The following ECT2 variants were observed in gnomAD, a reference collection of about 807,000 sequenced individuals.
The protein encoded by ECT2 is epithelial cell transforming 2.
In ECT2, 61 loss-of-function variants were observed where a neutral mutation model predicts 116.9. That is an observed-to-expected ratio of 0.52 (90% confidence interval 0.42 to 0.65). ECT2 has a LOEUF of 0.65. Among genes scored for constraint, ECT2 ranks in the 30% least tolerant of loss-of-function variants. The pLI, the probability that ECT2 is intolerant of heterozygous loss-of-function variation, is 0.00. For missense variants in ECT2, 937 were observed against 1,078.7 expected (o/e 0.87, Z 1.84); for synonymous variants, 358 against 346.4 (o/e 1.03, Z -0.37).
intron 20 of ECT2, among the ~76,000 whole-genome samples, chr3:172,805,441 G>A (rs994263225): frequency 2.6e-5 from 4 of 151,732 alleles, no homozygotes; most frequent in African/African-American, 7.3e-5. Context: ...TGATCCTGTC[G>A]CTTCTCATCA....
intron 13 of ECT2, 82 bp downstream of exon 13, chr3:172,769,225 G>T: frequency 7.7e-7 from 1 of 1,298,734 alleles, no homozygotes; most frequent in East Asian, 2.5e-5. Context: ...TTTCTTACGA[G>T]AAAATTATAT....
At chr3:172,801,428 T>G (rs1319184512) in intron 18 of ECT2, among the ~76,000 whole-genome samples, 1 of 152,224 alleles carries the variant, frequency 6.6e-6, no homozygotes, top group East Asian at 1.9e-4. Context: ...CCACTCTGAT[T>G]GATATCACTG....
chr3:172,818,048 A>G (rs1325079011), intron 24 of ECT2, among the ~76,000 whole-genome samples: 1 of 152,176 alleles, frequency 6.6e-6, no homozygotes, highest in Non-Finnish European at 1.5e-5. Flanking sequence ...TACCTGGCAC[A>G]TTGTGAGTGC....
At position 172,811,983 on chromosome 3, in the gene ECT2, C is replaced by CTT. The variant is rs200790013; in HGVS notation, c.2401-3606_2401-3605dup. 6.0e-4 allele frequency among the ~76,000 whole-genome samples: 81 copies of CTT among 134,600 alleles called. 1 individual carries two copies. Among genetic ancestry groups the CTT allele is most frequent in the South Asian group, 9.6e-4 (4 of 4,184 alleles). 88.3% of individuals were successfully genotyped at this position (134,600 alleles called of 152,430 possible). On this transcript the variant is annotated intron_variant, in intron 22 of 24. Transcript: ENST00000392692. ...ATGTACATTCTTCAAAAATGTATTT[C>CTT]TTTTTTTTTTTTTTTTGGGAGACAA...
Position 172,818,738 on chromosome 3 carries a change from C to G in ECT2, c.2656-1410C>G, listed in dbSNP as rs1387574287. 3 of 1,287,678 alleles carry G rather than the reference C, an allele frequency of 2.3e-6. No individual in the cohort carries two copies. The African/African-American group carries it at 4.6e-5, about 20-fold the overall frequency. The allele number at this position is 1,287,678 out of a possible 1,614,324, so 79.8% of individuals were successfully genotyped here. Reference sequence around the variant, plus strand: ...TTTTCAAATTTCAAAAAAGTTCTTTCCAAGTCATCTTTGACATTTGTGAAG... The same window carrying G: ...TTTTCAAATTTCAAAAAAGTTCTTTGCAAGTCATCTTTGACATTTGTGAAG... On this transcript the variant is annotated intron_variant, in intron 24 of 24. Coordinates refer to ENST00000392692, the MANE Select transcript of ECT2 (RefSeq NM_001258315.2).
At chr3:172,823,000 TAAAATC>T (rs767837742), downstream of ECT2, among the ~76,000 whole-genome samples, 1 of 151,986 alleles carries the variant, frequency 6.6e-6, no homozygotes, top group Non-Finnish European at 1.5e-5. Context: ...ACATGGAACT[TAAAATC>T]AAGCATGCAC....
chr3:172,795,585 TGA>T (rs1725496137), intron 18 of ECT2, among the ~76,000 whole-genome samples: 1 of 152,314 alleles, frequency 6.6e-6, no homozygotes, highest in East Asian at 1.9e-4. Flanking sequence ...GGTAAATATC[TGA>T]TATTAACAGG....
chr3:172,800,267 C>T (rs1238489989), intron 18 of ECT2, among the ~76,000 whole-genome samples: 1 of 152,184 alleles, frequency 6.6e-6, no homozygotes, highest in East Asian at 1.9e-4. Context: ...AGCCCAGCTG[C>T]TTAAAATGGC....
At chr3:172,808,752 G>C (rs1394272969) in intron 22 of ECT2, among the ~76,000 whole-genome samples, 3 of 152,112 alleles carry the variant, frequency 2.0e-5, no homozygotes, top group Non-Finnish European at 4.4e-5. Flanking sequence ...GATTGCATTG[G>C]GTGTTTCTGT....
intron 15 of ECT2, among the ~76,000 whole-genome samples, chr3:172,783,194 A>G (rs1052884988): frequency 6.6e-5 from 10 of 152,194 alleles, no homozygotes; most frequent in African/African-American, 2.4e-4. Context: ...CTCTTTAAAT[A>G]GGATTTGTAA....
chr3:172,780,854 T>C (rs956870495), intron 14 of ECT2, among the ~76,000 whole-genome samples: 2 of 151,996 alleles, frequency 1.3e-5, no homozygotes, highest in African/African-American at 2.4e-5. Flanking sequence ...TTATTTTTGG[T>C]GAAATGGCTA....
chr3:172,793,002 A>G (rs1460387085), intron 18 of ECT2, among the ~76,000 whole-genome samples: 1 of 151,988 alleles, frequency 6.6e-6, no homozygotes, highest in Non-Finnish European at 1.5e-5. Flanking sequence ...TTACAGGTGG[A>G]GCTACTGCAC....
At position 172,764,276 on chromosome 3, in the gene ECT2, A is replaced by C; in HGVS notation, c.1069-2A>C. On this transcript the variant is annotated splice_acceptor_variant, in intron 11 of 24. Coordinates refer to ENST00000392692, the MANE Select transcript of ECT2 (RefSeq NM_001258315.2). LOFTEE classifies it high-confidence loss of function. ...ATTGAGCTTGTGTGCTTTTGATTAC[A>C]GGCAAATACTCCTGAGCTCAAGAAA... 6.2e-7 allele frequency: 1 copy of C among 1,613,302 alleles called. No individual in the cohort carries two copies. The highest frequency in any genetic ancestry group is 8.5e-7 in the Non-Finnish European group (1 of 1,179,304).
chr3:172,774,498 C>CT (rs112860910), intron 14 of ECT2, among the ~76,000 whole-genome samples: 112 of 150,796 alleles, frequency 7.4e-4, no homozygotes, highest in African/African-American at 2.4e-3. Flanking sequence ...CATGCCCTGC[C>CT]TTTTTTTTTC....
At chr3:172,781,153 T>C (rs1722627223) in intron 14 of ECT2, among the ~76,000 whole-genome samples, 1 of 152,200 alleles carries the variant, frequency 6.6e-6, no homozygotes, top group Non-Finnish European at 1.5e-5. Flanking sequence ...CTTAAAATAA[T>C]AGCTCATTAC....
intron 17 of ECT2, 29 bp from the exon 18 acceptor site, chr3:172,786,464 T>C: frequency 2.7e-6 from 4 of 1,462,924 alleles, no homozygotes; most frequent in Non-Finnish European, 3.8e-6. Context: ...GAATTTTTTA[T>C]GCATGGAAAA....
chr3:172,814,173 T>G (rs1729279174), intron 22 of ECT2, among the ~76,000 whole-genome samples: 1 of 152,012 alleles, frequency 6.6e-6, no homozygotes, highest in Admixed American at 6.6e-5. Context: ...ATGACAAAAT[T>G]AGGGAAGCTT....
chr3:172,754,528 A>G lies in ECT2; in HGVS notation c.-3A>G, dbSNP rs1401771310. ...TTTCAGCTGATTTAGAAGAATACAA[A>G]TCATGGCTGAAAATAGTGTATTAAC... On this transcript the variant is annotated 5_prime_UTR_variant, in exon 2 of 25. Transcript: ENST00000392692. 1 of 1,591,722 alleles carries G rather than the reference A, an allele frequency of 6.3e-7. No individual in the cohort carries two copies. Among genetic ancestry groups the G allele is most frequent in the Admixed American group, 1.9e-5 (1 of 54,036 alleles).
chr3:172,817,852 A>G (rs1201273736), intron 24 of ECT2, among the ~76,000 whole-genome samples: 1 of 151,978 alleles, frequency 6.6e-6, no homozygotes, highest in Non-Finnish European at 1.5e-5. Context: ...ACTGAGGGGC[A>G]ATTTGGGTGG....
Sources: gnomAD v4.1 joint callset for allele counts (sites outside exome capture counted in the v4.1 genomes callset) on GRCh38, gnomAD v4.1.1 for gene constraint, MANE v1.5 for transcripts, NCBI Gene and HGNC (gene_info 2026-07-23, HGNC 2026-07-21) for gene names.